SUFU: variants seen among roughly 807,000 people sequenced by gnomAD.
SUFU encodes suppressor of fused homolog.
In SUFU, 7 loss-of-function variants were observed where a neutral mutation model predicts 58.9. That is an observed-to-expected ratio of 0.12 (90% CI 0.07 to 0.22). The LOEUF (loss-of-function observed/expected upper bound fraction) is 0.22. SUFU is among the 10% of genes least tolerant of loss of function. The pLI is 1.00. For synonymous variants in SUFU, 232 were observed against 254.8 expected (o/e 0.91, Z 0.85); for missense variants, 451 against 641.3 (o/e 0.70, Z 3.20).
intron 2 of SUFU, among the ~76,000 whole-genome samples, chr10:102,533,760 T>C (rs539130038): frequency 4.6e-5 from 7 of 152,320 alleles, no homozygotes; most frequent in African/African-American, 1.7e-4. Flanking sequence ...TGGATTAGAT[T>C]GAGCCCACCG....
intron 8 of SUFU, among the ~76,000 whole-genome samples, chr10:102,601,512 G>A (rs564095392): frequency 6.6e-6 from 1 of 152,286 alleles, no homozygotes; most frequent in East Asian, 1.9e-4. Flanking sequence ...GCCCAGTAAG[G>A]TCTCTAAAGC....
chr10:102,533,056 A>C (rs2135701494), intron 2 of SUFU, among the ~76,000 whole-genome samples: 1 of 152,124 alleles, frequency 6.6e-6, no homozygotes, highest in South Asian at 2.1e-4. Flanking sequence ...GCCACTGAGA[A>C]GGGAGGGGGC....
intron 2 of SUFU, among the ~76,000 whole-genome samples, chr10:102,549,301 C>T (rs1488571608): frequency 1.3e-5 from 2 of 152,170 alleles, no homozygotes; most frequent in Non-Finnish European, 2.9e-5. Flanking sequence ...AGGAAACTTA[C>T]AATGTTGGTG....
chr10:102,615,314 C>T lies in SUFU; in HGVS notation c.1069C>T (p.Pro357Ser). ...LESDSSTAII[P>S]HELIRTRQLE... ...AAGTGACAGCTCCACGGCCATCATT[C>T]CCCATGAGCTGATTCGCACGCGGCA... Residue 357 changes from proline to serine, a missense_variant, in exon 9 of 12, where the codon CCC becomes TCC. By Grantham distance (74) the Pro-to-Ser change is moderately conservative. Coordinates refer to ENST00000369902, the MANE Select transcript of SUFU (RefSeq NM_016169.4). 1.2e-6 allele frequency: 2 copies of T among 1,614,184 alleles called. No homozygotes were observed. Among genetic ancestry groups the T allele is most frequent in the Non-Finnish European group, 1.7e-6 (2 of 1,180,040 alleles).
intron 11 of SUFU, 61 bp downstream of exon 11, chr10:102,627,304 C>T (rs1250058288): frequency 9.7e-6 from 14 of 1,450,012 alleles, no homozygotes; most frequent in South Asian, 6.9e-5. Flanking sequence ...TGTGTGCGTG[C>T]GTGTGCACGT....
In SUFU at chr10:102,628,082, T is replaced by C. The variant is rs2063802362; in HGVS notation, c.1365+839T>C. Among the ~76,000 whole-genome samples the C allele has an allele frequency of 6.6e-6, 1 of 152,162 alleles. No homozygotes were observed. Reference sequence around the variant, plus strand: ...GCAGAGGCAGACCCTTCCCTTGTCCTGTCTGCCAGGAAATGTGCTTGGGGG... The same window carrying C: ...GCAGAGGCAGACCCTTCCCTTGTCCCGTCTGCCAGGAAATGTGCTTGGGGG... On this transcript the variant is annotated intron_variant, in intron 11 of 11. Coordinates refer to ENST00000369902, the MANE Select transcript of SUFU (RefSeq NM_016169.4). The surrounding 1 kb of genome is among the most constrained non-coding windows in gnomAD (Gnocchi z 4.5).
chr10:102,572,704 T>C, intron 3 of SUFU: 1 of 676,256 alleles, frequency 1.5e-6, no homozygotes, highest in South Asian at 1.4e-5. Flanking sequence ...TTTTTTGTTG[T>C]TGTTATGGTG....
intron 3 of SUFU, among the ~76,000 whole-genome samples, chr10:102,586,085 A>G (rs2063333269): frequency 6.6e-6 from 1 of 150,912 alleles, no homozygotes; most frequent in Non-Finnish European, 1.5e-5. Context: ...GGGTTTCACC[A>G]TGTTGGCCAG....
rs2135940151 is a variant in SUFU at position 102,619,476 on chromosome 10, G to C, written c.1296+2048G>C. Reference sequence around the variant, plus strand: ...GGGAGCTACTCAATCAAAGGCCTGTGTTATGGGCTCATTAGTGTGGTCCAC... The same window carrying C: ...GGGAGCTACTCAATCAAAGGCCTGTCTTATGGGCTCATTAGTGTGGTCCAC... On this transcript the variant is annotated intron_variant, in intron 10 of 11. Coordinates refer to ENST00000369902, the MANE Select transcript of SUFU (RefSeq NM_016169.4). The surrounding 1 kb of genome is among the most constrained non-coding windows in gnomAD (Gnocchi z 4.2). 1 of 1,237,476 alleles carries C rather than the reference G, an allele frequency of 8.1e-7. No individual in the cohort carries two copies. Among genetic ancestry groups the C allele is most frequent in the Non-Finnish European group, 1.0e-6 (1 of 980,150 alleles). The allele number at this position is 1,237,476 out of a possible 1,614,324, so 76.7% of individuals were successfully genotyped here.
intron 3 of SUFU, among the ~76,000 whole-genome samples, chr10:102,572,161 G>A (rs2063168164): frequency 6.6e-6 from 1 of 152,042 alleles, no homozygotes; most frequent in Admixed American, 6.6e-5. Flanking sequence ...CGCCTCCCAG[G>A]TTCAAGCCAT....
intron 3 of SUFU, among the ~76,000 whole-genome samples, chr10:102,568,431 ATAT>A (rs1212861391): frequency 2.6e-5 from 4 of 152,236 alleles, no homozygotes; most frequent in African/African-American, 7.2e-5. Flanking sequence ...ACAAAAATAA[ATAT>A]TATGCTGCTG....
intron 10 of SUFU, among the ~76,000 whole-genome samples, chr10:102,623,389 T>C (rs1433749378): frequency 2.0e-5 from 3 of 152,176 alleles, no homozygotes; most frequent in Non-Finnish European, 4.4e-5. Context: ...GCCAGTCTGG[T>C]TTTTTAGCAG....
In SUFU at chr10:102,632,788, T is replaced by C. The variant is rs1486327215; in HGVS notation, c.*2633T>C. On this transcript the variant is annotated 3_prime_UTR_variant, in exon 12 of 12. Coordinates refer to ENST00000369902, the MANE Select transcript of SUFU (RefSeq NM_016169.4). ...GGTGCTAGAGCTTCTGAGAAGGGCC[T>C]TTCCCTTTCCTCTTTGCCTGCTATA... 8.6e-6 allele frequency: 2 copies of C among 233,256 alleles called. No individual in the cohort carries two copies. Among genetic ancestry groups the C allele is most frequent in the Admixed American group, 5.6e-5 (1 of 17,778 alleles). 14.4% of individuals were successfully genotyped at this position (233,256 alleles called of 1,614,324 possible). A position where few individuals can be genotyped will look rare whatever the true frequency, so the allele number is the denominator to read the frequency against.
intron 1 of SUFU, among the ~76,000 whole-genome samples, chr10:102,505,965 G>A (rs2062320271): frequency 6.6e-6 from 1 of 150,886 alleles, no homozygotes; most frequent in Non-Finnish European, 1.5e-5. Flanking sequence ...ACTTTGGGAG[G>A]CCTTGAGGAT....
chr10:102,571,714 T>G (rs868263003), intron 3 of SUFU, among the ~76,000 whole-genome samples: 2 of 152,112 alleles, frequency 1.3e-5, no homozygotes, highest in South Asian at 4.1e-4. Flanking sequence ...CAACAAAAAA[T>G]TAGTGGCTTA....
chr10:102,528,787 T>A (rs537727067), intron 2 of SUFU, among the ~76,000 whole-genome samples: 27 of 152,142 alleles, frequency 1.8e-4, no homozygotes, highest in African/African-American at 6.5e-4. Flanking sequence ...TCAGGAACCA[T>A]CTACTTGAGT....
chr10:102,621,623 C>T (rs1224358102), intron 10 of SUFU, among the ~76,000 whole-genome samples: 1 of 152,170 alleles, frequency 6.6e-6, no homozygotes, highest in African/African-American at 2.4e-5. Flanking sequence ...GGACTGCTTC[C>T]CCGTCCCTGC....
intron 2 of SUFU, among the ~76,000 whole-genome samples, chr10:102,518,661 C>G (rs540904821): frequency 1.6e-4 from 24 of 152,028 alleles, no homozygotes; most frequent in Non-Finnish European, 3.2e-4. Flanking sequence ...ATCCTCCTAC[C>G]TCAACCTCCT....
chr10:102,523,944 T>C (rs1219512776), intron 2 of SUFU, among the ~76,000 whole-genome samples: 2 of 152,246 alleles, frequency 1.3e-5, no homozygotes, highest in African/African-American at 2.4e-5. Flanking sequence ...TTGCTTTTCC[T>C]CTGAAGTGCC....
Sources: gnomAD v4.1 joint callset for allele counts (sites outside exome capture counted in the v4.1 genomes callset) on GRCh38, gnomAD v4.1.1 for gene constraint, Gnocchi (gnomAD v3.1) non-coding constraint, MANE v1.5 for transcripts, NCBI Gene and HGNC (gene_info 2026-07-23, HGNC 2026-07-21) for gene names.